SNAP91: variants seen among roughly 807,000 people sequenced by gnomAD.
The protein encoded by SNAP91 is synaptosome associated protein 91, also known as clathrin coat assembly protein AP180.
In SNAP91, 27 loss-of-function variants were observed where a neutral mutation model predicts 100.3. The observed-to-expected ratio is 0.27, with a 90% CI of 0.20 to 0.37. The LOEUF (loss-of-function observed/expected upper bound fraction) is 0.37, where lower values mean the gene tolerates loss of function less well. Ranked by LOEUF, SNAP91 falls within the 10% of genes least tolerant of loss-of-function variation. SNAP91 has a pLI of 1.00. For synonymous variants in SNAP91, 404 were observed against 398.6 expected, an observed-to-expected ratio of 1.01 and a Z score of -0.16; for missense variants, 986 against 1,123.7, an observed-to-expected ratio of 0.88 and a Z score of 1.75.
chr6:83,701,944 T>C (rs1288405886), intron 2 of SNAP91, among the ~76,000 whole-genome samples: 1 of 151,956 alleles, frequency 6.6e-6, no homozygotes, highest in African/African-American at 2.4e-5. Context: ...CAAGGAAGAG[T>C]CGTAATTTCT....
At chr6:83,665,407 C>T in intron 3 of SNAP91, 32 bp downstream of exon 3, 1 of 1,598,956 alleles carries the variant, frequency 6.3e-7, no homozygotes, top group Admixed American at 1.7e-5. Context: ...CCTCCTTCCT[C>T]CATCAAAAAA....
chr6:83,708,684 G>A (rs2099414163), intron 1 of SNAP91, 161 bp downstream of exon 1: 1 of 152,452 alleles, frequency 6.6e-6, no homozygotes, highest in East Asian at 1.9e-4. Flanking sequence ...CTTTGGAGAG[G>A]AGCCGGGCTG....
At chr6:83,555,918 A>T (rs1306436146) in intron 29 of SNAP91, among the ~76,000 whole-genome samples, 1 of 152,114 alleles carries the variant, frequency 6.6e-6, no homozygotes, top group Non-Finnish European at 1.5e-5. Flanking sequence ...TGTGCTTTCC[A>T]GGATAAGGAC....
intron 2 of SNAP91, 89 bp downstream of exon 2, chr6:83,707,709 G>A (rs2099399299): frequency 2.0e-6 from 3 of 1,530,768 alleles, no homozygotes; most frequent in Non-Finnish European, 2.6e-6. Context: ...AGAGGCCACA[G>A]CATTATGGAC....
intron 14 of SNAP91, among the ~76,000 whole-genome samples, chr6:83,605,370 C>CTA (rs2095546148): frequency 6.6e-6 from 1 of 151,918 alleles, no homozygotes; most frequent in Non-Finnish European, 1.5e-5. Flanking sequence ...CTCTAGAGAA[C>CTA]AATTACTAAA....
rs749540653 is a variant in SNAP91, at chr6:83,593,584, T to C, written c.1590A>G (p.Ala530=). The C allele has an allele frequency of 6.4e-7, 1 of 1,566,574 alleles. No individual in the cohort carries two copies. Among genetic ancestry groups the C allele is most frequent in the Non-Finnish European group, 8.7e-7 (1 of 1,155,434 alleles). ...ATAPSPAPAV[A]AAAAATTAAT... is the part of the protein sequence containing the mutation. ...CAGCAGTAGTGGCAGCAGCAGCAGC[T>C]GCAACGGCAGGAGCAGGAGAAGGAG... The change falls in exon 18 of 30, where the codon GCA becomes GCG. Residue 530 remains alanine, a synonymous_variant. Coordinates refer to ENST00000369694, the MANE Select transcript of SNAP91 (RefSeq NM_001242792.2).
intron 9 of SNAP91, among the ~76,000 whole-genome samples, chr6:83,617,688 CTTA>C (rs1458859053): frequency 6.6e-6 from 1 of 151,594 alleles, no homozygotes; most frequent in Non-Finnish European, 1.5e-5. Context: ...AGTTTCAACT[CTTA>C]TTAAGAAATA....
intron 2 of SNAP91, among the ~76,000 whole-genome samples, chr6:83,698,701 G>C (rs2099254348): frequency 6.6e-6 from 1 of 151,748 alleles, no homozygotes; most frequent in Non-Finnish European, 1.5e-5. Flanking sequence ...TGAACTCTGT[G>C]ATTCAAATTT....
chr6:83,579,146 G>T (rs901123642), intron 24 of SNAP91, among the ~76,000 whole-genome samples: 3 of 152,146 alleles, frequency 2.0e-5, no homozygotes, highest in African/African-American at 7.2e-5. Flanking sequence ...CTTTGTAGAA[G>T]TTTTGAAATT....
At chr6:83,700,754 T>C (rs909766369) in intron 2 of SNAP91, among the ~76,000 whole-genome samples, 2 of 152,096 alleles carry the variant, frequency 1.3e-5, no homozygotes, top group South Asian at 2.1e-4. Context: ...GTACACATGA[T>C]CATGCCTAAT....
intron 2 of SNAP91, among the ~76,000 whole-genome samples, chr6:83,671,283 T>C (rs1307127284): frequency 6.6e-6 from 1 of 152,140 alleles, no homozygotes; most frequent in Non-Finnish European, 1.5e-5. Context: ...TATTTATTTT[T>C]CATTTCAGTA....
At position 83,582,297 on chromosome 6, in the gene SNAP91, G is replaced by T. The variant is rs759072157; in HGVS notation, c.2074C>A (p.Leu692Met). 2.5e-6 allele frequency: 4 copies of T among 1,613,688 alleles called. No homozygotes were observed. In the South Asian group the frequency reaches 4.4e-5, roughly 18 times the overall value. Residue 692 changes from leucine to methionine, a missense_variant, in exon 23 of 30, where the codon CTG becomes ATG. Around this residue, in one of 4 missense-constraint regions of SNAP91, gnomAD observed 575 missense variants for 579.9 expected, o/e 0.99. Transcript: ENST00000369694. ...GCTGCCTCAAAATTGGGCTGTAGCA[G>T]GTTATTCTGAGCTGGAGTCACTGGA... is the stretch of plus-strand genomic sequence containing the variant. ...PSPVTPAQNN[L>M]LQPNFEAAFG... is the part of the protein sequence containing the mutation.
chr6:83,678,947 A>T, intron 2 of SNAP91: 1 of 998,762 alleles, frequency 1.0e-6, no homozygotes, highest in Non-Finnish European at 1.2e-6. Context: ...TCTAAGTGAA[A>T]TGAAAAAAAA....
intron 29 of SNAP91, among the ~76,000 whole-genome samples, chr6:83,554,908 G>A (rs765528595): frequency 5.9e-5 from 9 of 152,116 alleles, no homozygotes; most frequent in Non-Finnish European, 1.0e-4. Context: ...CTGTGTCTCT[G>A]TCTTTGTCTG....
chr6:83,564,335 C>CTT (rs59056272), intron 26 of SNAP91, among the ~76,000 whole-genome samples: 44 of 144,224 alleles, frequency 3.1e-4, no homozygotes, highest in South Asian at 8.8e-4. Context: ...TTTCTCTTTT[C>CTT]TTTTTTTTTT....
chr6:83,634,513 T>G (rs1054037614), intron 8 of SNAP91, among the ~76,000 whole-genome samples: 6 of 152,204 alleles, frequency 3.9e-5, no homozygotes, highest in Admixed American at 3.9e-4. Context: ...CCTGATTTAT[T>G]CCTGCAGTCA....
chr6:83,618,261 T>C lies in SNAP91; in HGVS notation c.808-1222A>G, dbSNP rs1399330513. On this transcript the variant is annotated intron_variant, in intron 9 of 29. Coordinates refer to ENST00000369694, the MANE Select transcript of SNAP91 (RefSeq NM_001242792.2). ...CCAAGTGAACTAAAACATGTAAATT[T>C]AGATATATAAAAATTACTAAGTGAA... 2.6e-5 allele frequency among the ~76,000 whole-genome samples: 4 copies of C among 151,850 alleles called. No homozygotes were observed. In the East Asian group the frequency reaches 7.7e-4, roughly 29 times the overall value.
intron 2 of SNAP91, among the ~76,000 whole-genome samples, chr6:83,682,915 T>G (rs745945975): frequency 5.3e-5 from 8 of 151,832 alleles, no homozygotes; most frequent in Non-Finnish European, 1.2e-4. Flanking sequence ...TTGTCTCCAT[T>G]TCTTCACTCA....
intron 2 of SNAP91, among the ~76,000 whole-genome samples, chr6:83,703,296 T>G (rs535263254): frequency 3.3e-5 from 5 of 152,270 alleles, no homozygotes; most frequent in African/African-American, 1.2e-4. Flanking sequence ...TCTACTTAAT[T>G]TTATTCAGTA....
Sources: gnomAD v4.1 joint callset for allele counts (sites outside exome capture counted in the v4.1 genomes callset) on GRCh38, gnomAD v4.1.1 for gene constraint, gnomAD v4.1.1 regional missense constraint, MANE v1.5 for transcripts, NCBI Gene and HGNC (gene_info 2026-07-23, HGNC 2026-07-21) for gene names.